The following FAM120A variants were observed in gnomAD, a reference collection of about 807,000 sequenced individuals.
The protein encoded by FAM120A is family with sequence similarity 120 member A.
In FAM120A, 15 loss-of-function variants were observed where a neutral mutation model predicts 109.7. The ratio of observed to expected loss-of-function variants is 0.14; its 90% CI spans 0.09 to 0.21. The LOEUF (loss-of-function observed/expected upper bound fraction) is 0.21. FAM120A is among the 10% of genes least tolerant of loss of function. The pLI, the probability that FAM120A is intolerant of heterozygous loss-of-function variation, is 1.00. For synonymous variants in FAM120A, 493 were observed against 572.8 expected (o/e 0.86, Z 1.99); for missense variants, 899 against 1,439.3 (o/e 0.62, Z 6.07).
chr9:93,539,288 C>T (rs12380167), intron 10 of FAM120A, among the ~76,000 whole-genome samples: 42,388 of 151,784 alleles, frequency 0.28, 6,986 homozygotes, highest in East Asian at 0.42. Flanking sequence ...TGAGCCACCG[C>T]GCCTGGCCGC....
At chr9:93,485,083 T>G (rs1021388617) in intron 3 of FAM120A, among the ~76,000 whole-genome samples, 2 of 152,198 alleles carry the variant, frequency 1.3e-5, no homozygotes, top group African/African-American at 4.8e-5. Flanking sequence ...CACGTGTGAA[T>G]TAGTGCCATG....
At position 93,545,780 on chromosome 9, in the gene FAM120A, CTTTTTTTTT is replaced by C. The variant is rs774150537; in HGVS notation, c.2159+2327_2159+2335del. On this transcript the variant is annotated intron_variant, in intron 11 of 17. Transcript: ENST00000277165. ...GAAGACTGGCTGATGGGAAAGACTC[CTTTTTTTTT>C]TTTTTTTTTTTTTTTTTGAGACGGA... Among the ~76,000 whole-genome samples the C allele has an allele frequency of 6.4e-4, 42 of 65,512 alleles. 2 individuals are homozygous for C. The highest frequency in any genetic ancestry group is 1.9e-3 in the African/African-American group (30 of 16,098). The allele number at this position is 65,512 out of a possible 152,430, so 43.0% of individuals were successfully genotyped here.
chr9:93,531,192 G>T (rs1053933225), intron 9 of FAM120A: 2 of 152,180 alleles, frequency 1.3e-5, no homozygotes, highest in African/African-American at 4.8e-5. Flanking sequence ...CTAGATGAGA[G>T]TGTTAGAACA....
In FAM120A at chr9:93,498,920, C is replaced by T; in HGVS notation, c.1030+34C>T. On this transcript the variant is annotated intron_variant, in intron 5 of 17. Transcript: ENST00000277165. The surrounding 1 kb of genome is among the most constrained non-coding windows in gnomAD (Gnocchi z 4.4). ...ATAAAAGCCTGTGATCAATATTGAC[C>T]ATATGATAATCCAAGTAGGTTTAAA... is the stretch of plus-strand genomic sequence containing the variant. 8.4e-7 allele frequency: 1 copy of T among 1,189,238 alleles called. No homozygotes were observed. The highest frequency in any genetic ancestry group is 1.3e-6 in the Non-Finnish European group (1 of 795,920). 73.7% of individuals were successfully genotyped at this position (1,189,238 alleles called of 1,614,324 possible).
intron 2 of FAM120A, among the ~76,000 whole-genome samples, chr9:93,475,056 T>G (rs185266241): frequency 2.6e-5 from 4 of 152,302 alleles, no homozygotes; most frequent in Admixed American, 2.6e-4. Context: ...ACAGGTGGAG[T>G]GTCCCTTATC....
intron 12 of FAM120A, 69 bp from the exon 13 acceptor site, chr9:93,556,313 C>G (rs1862279800): frequency 7.4e-7 from 1 of 1,345,806 alleles, no homozygotes; most frequent in African/African-American, 1.4e-5. Context: ...GAGAGTTTTA[C>G]TAAGACTTTG....
At chr9:93,545,341 G>A (rs1371805741) in intron 11 of FAM120A, among the ~76,000 whole-genome samples, 1 of 152,208 alleles carries the variant, frequency 6.6e-6, no homozygotes, top group Non-Finnish European at 1.5e-5. Flanking sequence ...ATTTACCCTG[G>A]TCCTTCCAAG....
intron 2 of FAM120A, among the ~76,000 whole-genome samples, chr9:93,472,066 C>T (rs1181218150): frequency 6.6e-6 from 1 of 152,122 alleles, no homozygotes; most frequent in African/African-American, 2.4e-5. Flanking sequence ...TTGAGACCAG[C>T]CTGGCCAACA....
At chr9:93,469,696 A>G (rs1213521035) in intron 1 of FAM120A, among the ~76,000 whole-genome samples, 1 of 152,224 alleles carries the variant, frequency 6.6e-6, no homozygotes, top group Non-Finnish European at 1.5e-5. Context: ...TTCTTATTCT[A>G]AAGAATAGAA....
At chr9:93,468,722 G>A (rs766965196) in intron 1 of FAM120A, among the ~76,000 whole-genome samples, 11 of 152,186 alleles carry the variant, frequency 7.2e-5, no homozygotes, top group South Asian at 2.1e-4. Context: ...GTCTATCTCC[G>A]TAATTTATTT....
intron 11 of FAM120A, among the ~76,000 whole-genome samples, chr9:93,545,780 CTTTTT>C (rs774150537): frequency 9.9e-4 from 65 of 65,510 alleles, no homozygotes; most frequent in Admixed American, 1.6e-3. Context: ...GGAAAGACTC[CTTTTT>C]TTTTTTTTTT....
In FAM120A at chr9:93,497,503, C is replaced by T. The variant is rs150918634; in HGVS notation, c.837C>T (p.Cys279=). The T allele has an allele frequency of 9.6e-4, 1,543 of 1,613,486 alleles. 14 individuals carry two copies. The African/African-American group carries it at 0.017, about 18-fold the overall frequency. The change falls in exon 4 of 18, where the codon TGC becomes TGT. Residue 279 remains cysteine (C), a synonymous_variant. Transcript: ENST00000277165. ...CCCACCAGCTGGTCTTGCCACCTTG[C>T]GACGTAGTGATCAAAGCCGTTGCTG... ...VRAHQLVLPP[C]DVVIKAVADY...
At chr9:93,477,124 A>G (rs1037795397) in intron 3 of FAM120A, among the ~76,000 whole-genome samples, 2 of 152,174 alleles carry the variant, frequency 1.3e-5, no homozygotes, top group Non-Finnish European at 2.9e-5. Flanking sequence ...TACAGTAAAG[A>G]GTGGCGGTTA....
chr9:93,560,863 ATCT>A, intron 15 of FAM120A, among the ~76,000 whole-genome samples: 1 of 152,224 alleles, frequency 6.6e-6, no homozygotes, highest in Non-Finnish European at 1.5e-5. Flanking sequence ...ATCTGTTTCT[ATCT>A]AAAAAGCCTT....
At chr9:93,459,856 A>G (rs1857712810) in intron 1 of FAM120A, among the ~76,000 whole-genome samples, 1 of 152,238 alleles carries the variant, frequency 6.6e-6, no homozygotes, top group East Asian at 1.9e-4. Flanking sequence ...AATGTGGCCT[A>G]AAATACCAGT....
Position 93,498,956 on chromosome 9 carries a change from A to G in FAM120A, c.1030+70A>G, listed in dbSNP as rs112220753. The G allele has an allele frequency of 6.3e-4, 627 of 991,388 alleles. 2 individuals carry two copies. The African/African-American group carries it at 8.3e-3, about 13-fold the overall frequency. 61.4% of individuals were successfully genotyped at this position (991,388 alleles called of 1,614,324 possible). A position where few individuals can be genotyped will look rare whatever the true frequency, so the allele number is the denominator to read the frequency against. On this transcript the variant is annotated intron_variant, in intron 5 of 17. Coordinates refer to ENST00000277165, the MANE Select transcript of FAM120A (RefSeq NM_014612.5). This position sits in a 1 kb window ranked among gnomAD's most constrained non-coding sequence, Gnocchi z 4.4. The stretch of plus-strand genomic sequence containing the variant: ...CCAAGTAGGTTTAAATATTCACCAT[A>G]TAATCTTGTAGGTTTATGTTTTTGA...
chr9:93,557,878 C>G lies in FAM120A; in HGVS notation c.2536C>G (p.Leu846Val). ...EKMRQSVLEGLSFSRQSHTLP... is the reference protein window; with the variant it reads ...EKMRQSVLEGVSFSRQSHTLP... ...GATGCGCCAGAGCGTCCTCGAGGGG[C>G]TCAGCTTCTCCAGGCAGAGCCACAC... Residue 846 changes from leucine (L) to valine (V), a missense_variant, in exon 14 of 18, where the codon CTC (leucine) becomes GTC (valine). By Grantham distance (32) the Leu-to-Val change is conservative (BLOSUM62 1). Around this residue, in one of 11 missense-constraint regions of FAM120A, gnomAD observed 129 missense variants for 153.4 expected, o/e 0.84. Coordinates refer to ENST00000277165, the MANE Select transcript of FAM120A (RefSeq NM_014612.5). 1 of 1,613,708 alleles carries G rather than the reference C, an allele frequency of 6.2e-7. No individual in the cohort carries two copies. The highest frequency in any genetic ancestry group is 1.3e-5 in the African/African-American group (1 of 75,072).
chr9:93,454,173 G>A (rs1038726490), intron 1 of FAM120A, among the ~76,000 whole-genome samples: 1 of 152,122 alleles, frequency 6.6e-6, no homozygotes, highest in Non-Finnish European at 1.5e-5. Context: ...TTTCACTTAG[G>A]TTTCTGGACA....
At chr9:93,484,895 A>G (rs1858971635) in intron 3 of FAM120A, among the ~76,000 whole-genome samples, 1 of 152,216 alleles carries the variant, frequency 6.6e-6, no homozygotes, top group Non-Finnish European at 1.5e-5. Flanking sequence ...GCTTAGACCT[A>G]GAATGCTCTA....
Sources: gnomAD v4.1 joint callset for allele counts (sites outside exome capture counted in the v4.1 genomes callset) on GRCh38, gnomAD v4.1.1 for gene constraint, gnomAD v4.1.1 regional missense constraint, Gnocchi (gnomAD v3.1) non-coding constraint, MANE v1.5 for transcripts, NCBI Gene and HGNC (gene_info 2026-07-23, HGNC 2026-07-21) for gene names.